The following ATXN7 variants were observed in gnomAD, a reference collection of about 807,000 sequenced individuals.
The protein encoded by ATXN7 is ataxin 7.
Under a neutral mutation model 70.5 loss-of-function variants are expected in ATXN7, and 12 were observed. The observed-to-expected ratio is 0.17, with a 90% CI of 0.11 to 0.28. The LOEUF (loss-of-function observed/expected upper bound fraction) is 0.28, where lower values mean the gene tolerates loss of function less well. Among genes scored for constraint, ATXN7 ranks in the 10% least tolerant of loss-of-function variants. The probability of loss-of-function intolerance (pLI) is 1.00; values close to 1 mark genes in which losing one functional copy is unlikely to be tolerated. For missense variants in ATXN7, 1,256 were observed against 1,131.7 expected, an observed-to-expected ratio of 1.11 and a Z score of -1.58; for synonymous variants, 498 against 448.7, an observed-to-expected ratio of 1.11 and a Z score of -1.39.
At chr3:63,931,793 T>C (rs1405094141) in intron 4 of ATXN7, among the ~76,000 whole-genome samples, 1 of 152,172 alleles carries the variant, frequency 6.6e-6, no homozygotes, top group Non-Finnish European at 1.5e-5. Context: ...AGTGTCTCCC[T>C]TGTCATTTAG....
rs1704134352 is a variant in ATXN7, at chr3:63,913,325, G to A, written c.394+100G>A. The A allele has an allele frequency of 2.1e-5, 26 of 1,237,352 alleles. No individual in the cohort carries two copies. In the South Asian group the frequency reaches 3.0e-4, roughly 14 times the overall value. The allele number at this position is 1,237,352 out of a possible 1,614,324, so 76.6% of individuals were successfully genotyped here. ...CATCAGCCCACCATACCGACTCCCC[G>A]ACTCCCCGTGCCTGCGAAGATGCTG... On this transcript the variant is annotated intron_variant, in intron 4 of 12. Coordinates refer to ENST00000674280, the MANE Select transcript of ATXN7 (RefSeq NM_001377405.1).
intron 1 of ATXN7, among the ~76,000 whole-genome samples, chr3:63,881,084 AG>A (rs1702893642): frequency 6.6e-6 from 1 of 152,232 alleles, no homozygotes; most frequent in Non-Finnish European, 1.5e-5. Flanking sequence ...TTGAGCAGTT[AG>A]TATGTGCCAG....
intron 5 of ATXN7, 66 bp downstream of exon 5, chr3:63,952,549 G>A (rs557737563): frequency 1.7e-6 from 2 of 1,147,504 alleles, no homozygotes; most frequent in African/African-American, 3.1e-5. Context: ...TTAAACTAAG[G>A]AACAGTGATG....
chr3:63,998,269 A>C lies in ATXN7; in HGVS notation c.2662-1181A>C, dbSNP rs981465193. ...ACTAGAAATTGGGGGGACATGGAGCAGCTGCTTCCAGACATTTGTTACCAG... is the reference window on the plus strand; with the variant it reads ...ACTAGAAATTGGGGGGACATGGAGCCGCTGCTTCCAGACATTTGTTACCAG... On this transcript the variant is annotated intron_variant, in intron 12 of 12. Transcript: ENST00000674280. 5.1e-6 allele frequency: 5 copies of C among 984,698 alleles called. No individual in the cohort carries two copies. In the African/African-American group the frequency reaches 8.8e-5, roughly 17 times the overall value. 61.0% of individuals were successfully genotyped at this position (984,698 alleles called of 1,614,324 possible). A position where few individuals can be genotyped will look rare whatever the true frequency, so the allele number is the denominator to read the frequency against.
chr3:63,873,544 T>A (rs1474540534), intron 1 of ATXN7, among the ~76,000 whole-genome samples: 2 of 152,156 alleles, frequency 1.3e-5, no homozygotes, highest in Admixed American at 1.3e-4. Flanking sequence ...TCCCCAGAAG[T>A]GGGAATTGAT....
Position 63,995,970 on chromosome 3 carries a change from C to T in ATXN7, c.2148C>T (p.His716=), listed in dbSNP as rs748527046. ...KRKNSSPLLV[H]SSSSSSSSSS... is the part of the protein sequence containing the mutation. ...AAAACAGTTCCCCACTGTTGGTTCACTCTTCCTCCTCCTCTTCCTCCTCCT... is the reference window on the plus strand; with the variant it reads ...AAAACAGTTCCCCACTGTTGGTTCATTCTTCCTCCTCCTCTTCCTCCTCCT... Residue 716 remains histidine, a synonymous_variant, in exon 12 of 13, where the codon CAC becomes CAT. Coordinates refer to ENST00000674280, the MANE Select transcript of ATXN7 (RefSeq NM_001377405.1). The T allele has an allele frequency of 1.9e-6, 3 of 1,613,668 alleles. No individual in the cohort carries two copies. The South Asian group carries it at 3.3e-5, about 18-fold the overall frequency.
intron 4 of ATXN7, among the ~76,000 whole-genome samples, chr3:63,941,001 T>G (rs1260046424): frequency 3.9e-5 from 6 of 152,198 alleles, no homozygotes; most frequent in Admixed American, 1.3e-4. Context: ...ACTGCCATGT[T>G]GGTCACTGTT....
At chr3:63,968,801 A>G (rs2075267208) in intron 5 of ATXN7, among the ~76,000 whole-genome samples, 1 of 152,084 alleles carries the variant, frequency 6.6e-6, no homozygotes, top group South Asian at 2.1e-4. Flanking sequence ...TTCATGCGGG[A>G]AGTGAGGTGT....
chr3:63,947,919 G>A (rs963047512), intron 4 of ATXN7, among the ~76,000 whole-genome samples: 6 of 152,162 alleles, frequency 3.9e-5, no homozygotes, highest in African/African-American at 9.7e-5. Flanking sequence ...AGTGGGGAAC[G>A]AGGGAACAGA....
intron 5 of ATXN7, among the ~76,000 whole-genome samples, chr3:63,973,163 C>T (rs141904191): frequency 6.6e-6 from 1 of 152,332 alleles, no homozygotes; most frequent in East Asian, 1.9e-4. Flanking sequence ...TATGAACCCA[C>T]ATATCCCTGA....
At position 63,999,870 on chromosome 3, in the gene ATXN7, T is replaced by C; in HGVS notation, c.*403T>C. 1 of 277,862 alleles carries C rather than the reference T, an allele frequency of 3.6e-6. No homozygotes were observed. The highest frequency in any genetic ancestry group is 6.9e-6 in the Non-Finnish European group (1 of 144,600). The allele number at this position is 277,862 out of a possible 1,614,324, so 17.2% of individuals were successfully genotyped here. ...ACTGTAGACCTTTCTCCCTCCTTCC[T>C]TTTACTACCATTTTTTTTTAACACT... On this transcript the variant is annotated 3_prime_UTR_variant, in exon 13 of 13. Transcript: ENST00000674280.
chr3:63,898,717 A>G (rs1238018862), intron 2 of ATXN7, among the ~76,000 whole-genome samples: 2 of 152,228 alleles, frequency 1.3e-5, no homozygotes, highest in African/African-American at 2.4e-5. Flanking sequence ...CACAAAAACT[A>G]CTAAATAACA....
intron 4 of ATXN7, among the ~76,000 whole-genome samples, chr3:63,928,288 G>A (rs537040034): frequency 6.6e-6 from 1 of 152,212 alleles, no homozygotes; most frequent in Admixed American, 6.5e-5. Flanking sequence ...GTGACAGAGC[G>A]AGACCCTTTC....
intron 5 of ATXN7, among the ~76,000 whole-genome samples, chr3:63,966,717 G>A (rs17069556): frequency 0.017 from 2,631 of 152,240 alleles, 87 homozygotes; most frequent in African/African-American, 0.058. Flanking sequence ...AATAGAAGCC[G>A]TTTTCATGCC....
intron 1 of ATXN7, among the ~76,000 whole-genome samples, chr3:63,885,634 G>A (rs757611489): frequency 2.0e-5 from 3 of 152,304 alleles, no homozygotes; most frequent in Admixed American, 1.3e-4. Flanking sequence ...AGAGGTATCT[G>A]CACTCCCATG....
intron 1 of ATXN7, among the ~76,000 whole-genome samples, chr3:63,885,836 T>G (rs1433564271): frequency 1.3e-5 from 2 of 152,048 alleles, no homozygotes; most frequent in Non-Finnish European, 2.9e-5. Flanking sequence ...GCCAACATGG[T>G]GCAACCCCAT....
rs139968082 is a variant in ATXN7 at position 63,961,126 on chromosome 3, A to G, written c.499+8643A>G. Among the ~76,000 whole-genome samples the G allele has an allele frequency of 3.1e-3, 472 of 152,320 alleles. 5 individuals carry two copies. The highest frequency in any genetic ancestry group is 0.014 in the Middle Eastern group (4 of 294). On this transcript the variant is annotated intron_variant, in intron 5 of 12. Transcript: ENST00000674280. ...TTACTTTTCAGGGGTACAGTTTGACATGTACTCTTGGAGGGTTCCTAGAAC... is the reference window on the plus strand; with the variant it reads ...TTACTTTTCAGGGGTACAGTTTGACGTGTACTCTTGGAGGGTTCCTAGAAC...
At chr3:63,982,556 C>T in intron 7 of ATXN7, 111 bp downstream of exon 7, 1 of 1,000,492 alleles carries the variant, frequency 1.0e-6, no homozygotes, top group Non-Finnish European at 1.4e-6. Flanking sequence ...TGGTCAACTT[C>T]AGCTTTAGGA....
At chr3:63,993,297 T>A (rs1576001643) in intron 11 of ATXN7, among the ~76,000 whole-genome samples, 7 of 133,606 alleles carry the variant, frequency 5.2e-5, no homozygotes, top group Non-Finnish European at 7.9e-5. Context: ...TTTTTTTTTT[T>A]ACTTTTTGAA....
Sources: allele counts gnomAD v4.1 joint callset (sites outside exome capture counted in the v4.1 genomes callset), GRCh38; gene constraint gnomAD v4.1.1; transcripts MANE v1.5; gene names NCBI Gene and HGNC (gene_info 2026-07-23, HGNC 2026-07-21).